CAPRIN1: variants seen among roughly 807,000 people sequenced by gnomAD.
CAPRIN1 encodes cell cycle associated protein 1.
Under a neutral mutation model 100.9 loss-of-function variants are expected in CAPRIN1, and 29 were observed. The observed-to-expected ratio is 0.29, with a 90% CI of 0.21 to 0.39. The LOEUF (loss-of-function observed/expected upper bound fraction) is 0.39, where lower values mean the gene tolerates loss of function less well. Among genes scored for constraint, CAPRIN1 ranks in the 10% least tolerant of loss-of-function variants. The pLI is 1.00. For synonymous variants in CAPRIN1, 338 were observed against 307.5 expected (o/e 1.10, Z -1.04); for missense variants, 795 against 876.7 (o/e 0.91, Z 1.18).
rs762161100 is a variant in CAPRIN1, at chr11:34,092,040, A to G, written c.1689A>G (p.Gln563=). 12 of 1,613,972 alleles carry G rather than the reference A, an allele frequency of 7.4e-6. No homozygotes were observed. Among genetic ancestry groups the G allele is most frequent in the Non-Finnish European group, 1.0e-5 (12 of 1,179,960 alleles). The part of the protein sequence containing the change: ...PHQVEQTELQ[Q]EQLQTVVGTY... ...AAGTAGAACAAACAGAGCTTCAGCA[A>G]GAACAGCTTCAAACAGGTACGAAAT... is the stretch of plus-strand genomic sequence containing the variant. Residue 563 remains glutamine (Q), a synonymous_variant, in exon 15 of 19, where the codon CAA becomes CAG. Coordinates refer to ENST00000341394, the MANE Select transcript of CAPRIN1 (RefSeq NM_005898.5).
intron 15 of CAPRIN1, among the ~76,000 whole-genome samples, chr11:34,093,705 A>G (rs891049633): frequency 1.3e-5 from 2 of 152,070 alleles, no homozygotes; most frequent in East Asian, 1.9e-4. Context: ...TGTGATCACC[A>G]TGGCTCACTG....
intron 2 of CAPRIN1, among the ~76,000 whole-genome samples, chr11:34,067,968 C>T (rs1850731917): frequency 6.6e-6 from 1 of 152,142 alleles, no homozygotes; most frequent in South Asian, 2.1e-4. Flanking sequence ...ACAGATTAAT[C>T]CAAAATTTAA....
chr11:34,085,669 T>C (rs1433529947), intron 9 of CAPRIN1, among the ~76,000 whole-genome samples: 1 of 152,086 alleles, frequency 6.6e-6, no homozygotes, highest in Admixed American at 6.6e-5. Context: ...CCGGGTGTGT[T>C]GATGGGTGCC....
At chr11:34,099,251 G>A (rs1565100064) in intron 18 of CAPRIN1, 52 bp from the exon 19 acceptor site, 3 of 1,600,548 alleles carry the variant, frequency 1.9e-6, no homozygotes, top group Admixed American at 1.7e-5. Flanking sequence ...CTGCTTGAAG[G>A]CAAAACAAAT....
chr11:34,085,859 C>A (rs1467543496), intron 9 of CAPRIN1, among the ~76,000 whole-genome samples: 1 of 151,994 alleles, frequency 6.6e-6, no homozygotes, highest in Non-Finnish European at 1.5e-5. Context: ...ACATAGTGGT[C>A]TTATGGAACT....
At chr11:34,079,918 T>G (rs1180542326) in intron 7 of CAPRIN1, among the ~76,000 whole-genome samples, 153 bp downstream of exon 7, 4 of 698 alleles carry the variant, frequency 5.7e-3, no homozygotes, top group African/African-American at 0.014. Context: ...TTTTTTTTTT[T>G]TTTTTTTTTT....
chr11:34,065,695 TC>T (rs1295116236), intron 2 of CAPRIN1, among the ~76,000 whole-genome samples: 1 of 152,220 alleles, frequency 6.6e-6, no homozygotes, highest in Non-Finnish European at 1.5e-5. Flanking sequence ...AGCTGAGAGA[TC>T]AGGAAATCCT....
At chr11:34,069,659 A>AATTT (rs139488088) in intron 2 of CAPRIN1, among the ~76,000 whole-genome samples, 2,834 of 151,858 alleles carry the variant, frequency 0.019, 71 homozygotes, top group African/African-American at 0.065. Context: ...GTAAAAAAAA[A>AATTT]TTTTTTTCCC....
intron 3 of CAPRIN1, 45 bp downstream of exon 3, chr11:34,071,833 T>G (rs1156530733): frequency 3.1e-6 from 5 of 1,587,416 alleles, no homozygotes; most frequent in Non-Finnish European, 4.3e-6. Flanking sequence ...GCTCACTATT[T>G]TAAAGACAAA....
intron 14 of CAPRIN1, 65 bp downstream of exon 14, chr11:34,090,743 T>A: frequency 1.4e-6 from 2 of 1,461,956 alleles, no homozygotes; most frequent in Non-Finnish European, 1.9e-6. Context: ...TTTTCTTTTC[T>A]TTTTTAAAGG....
At chr11:34,063,422 T>C (rs1171503519) in intron 2 of CAPRIN1, 1 of 152,262 alleles carries the variant, frequency 6.6e-6, no homozygotes, top group African/African-American at 2.4e-5. Flanking sequence ...TTGATAGTAA[T>C]GCCTCCCTGA....
chr11:34,060,588 T>G (rs1194181898), intron 2 of CAPRIN1, among the ~76,000 whole-genome samples: 1 of 152,226 alleles, frequency 6.6e-6, no homozygotes, highest in South Asian at 2.1e-4. Context: ...CACTTTGAGT[T>G]ACATTGAACT....
chr11:34,074,574 C>G (rs16925117), intron 4 of CAPRIN1, among the ~76,000 whole-genome samples: 2,851 of 152,210 alleles, frequency 0.019, 91 homozygotes, highest in African/African-American at 0.066. Context: ...TGTTTCCTGC[C>G]TCCACCTACC....
intron 4 of CAPRIN1, among the ~76,000 whole-genome samples, chr11:34,073,732 C>T (rs1850849659): frequency 6.6e-6 from 1 of 152,116 alleles, no homozygotes; most frequent in Non-Finnish European, 1.5e-5. Context: ...GCTTCAATTA[C>T]TTAATCTTAG....
intron 15 of CAPRIN1, among the ~76,000 whole-genome samples, chr11:34,093,971 T>A (rs75025079): frequency 1.7e-5 from 2 of 117,524 alleles, no homozygotes; most frequent in Admixed American, 8.6e-5. Flanking sequence ...TCTATTTTTT[T>A]AAAAAAAGTT....
intron 18 of CAPRIN1, chr11:34,098,430 A>G (rs899596664): frequency 1.0e-6 from 1 of 985,314 alleles, no homozygotes; most frequent in Admixed American, 6.1e-5. Context: ...GCAGGAAGTT[A>G]ACCTATTTAA....
chr11:34,052,336 G>T, intron 1 of CAPRIN1, 85 bp from the exon 2 acceptor site: 1 of 1,125,812 alleles, frequency 8.9e-7, no homozygotes, highest in Non-Finnish European at 1.3e-6. Flanking sequence ...TGCGCGTTTT[G>T]TCCCGCGTCT....
chr11:34,087,858 T>C (rs1355733797), intron 11 of CAPRIN1, among the ~76,000 whole-genome samples: 1 of 152,134 alleles, frequency 6.6e-6, no homozygotes. Flanking sequence ...CCAGTGAAAA[T>C]GGGTACTTTC....
chr11:34,083,999 A>G (rs926711994), intron 9 of CAPRIN1, among the ~76,000 whole-genome samples: 1 of 152,100 alleles, frequency 6.6e-6, no homozygotes, highest in African/African-American at 2.4e-5. Context: ...AACTGGGGAG[A>G]CAGAAGTTGT....
Sources: allele counts gnomAD v4.1 joint callset (sites outside exome capture counted in the v4.1 genomes callset), GRCh38; gene constraint gnomAD v4.1.1; transcripts MANE v1.5; gene names NCBI Gene and HGNC (gene_info 2026-07-23, HGNC 2026-07-21).